The following CFAP77 variants were observed in gnomAD, a reference collection of about 807,000 sequenced individuals.
The protein encoded by CFAP77 is cilia and flagella associated protein 77.
CFAP77 carries 25 observed loss-of-function variants against 31.1 expected under a neutral mutation model. That is an observed-to-expected ratio of 0.80 (90% CI 0.59 to 1.12). The LOEUF is 1.12. CFAP77 is among the 50% of genes most tolerant of loss of function. The pLI is 0.00. For missense variants in CFAP77, 377 were observed against 397.3 expected, an observed-to-expected ratio of 0.95 and a Z score of 0.44; for synonymous variants, 151 against 159.9, an observed-to-expected ratio of 0.94 and a Z score of 0.42.
intron 3 of CFAP77, among the ~76,000 whole-genome samples, chr9:132,507,992 C>T (rs1419575384): frequency 6.6e-6 from 1 of 152,224 alleles, no homozygotes; most frequent in African/African-American, 2.4e-5. Flanking sequence ...TGCTGTATGT[C>T]AGGTCCCAGA....
At chr9:132,492,228 T>C (rs890545291) in intron 1 of CFAP77, among the ~76,000 whole-genome samples, 1 of 152,092 alleles carries the variant, frequency 6.6e-6, no homozygotes. Context: ...GTCGAGGCTG[T>C]AGCAAGCTGT....
intron 5 of CFAP77, among the ~76,000 whole-genome samples, chr9:132,566,737 CT>C (rs1487375624): frequency 6.6e-6 from 1 of 152,220 alleles, no homozygotes; most frequent in Non-Finnish European, 1.5e-5. Context: ...CACTAAGCAT[CT>C]CCTTTGGTTT....
intron 1 of CFAP77, among the ~76,000 whole-genome samples, chr9:132,472,055 A>G (rs1398999306): frequency 6.6e-6 from 1 of 152,184 alleles, no homozygotes; most frequent in Non-Finnish European, 1.5e-5. Context: ...ACTAGCTGGC[A>G]GCCCAGCACC....
intron 3 of CFAP77, 76 bp from the exon 4 acceptor site, chr9:132,537,525 C>G: frequency 1.9e-6 from 2 of 1,069,782 alleles, no homozygotes; most frequent in East Asian, 2.4e-5. Context: ...AGGAGGCTCC[C>G]GGGGGCGGGC....
intron 1 of CFAP77, among the ~76,000 whole-genome samples, chr9:132,429,728 T>A (rs972488262): frequency 6.8e-6 from 1 of 146,622 alleles, no homozygotes; most frequent in Non-Finnish European, 1.5e-5. Context: ...TGGTCGCGGG[T>A]GCCTGTAGTC....
intron 1 of CFAP77, among the ~76,000 whole-genome samples, chr9:132,439,542 C>T (rs1396590391): frequency 1.3e-5 from 2 of 152,098 alleles, no homozygotes; most frequent in Admixed American, 6.5e-5. Context: ...TCAGCTCTTA[C>T]TCTGGGTAAG....
chr9:132,570,518 G>GTTC (rs1419774676), intron 5 of CFAP77, among the ~76,000 whole-genome samples: 1 of 152,210 alleles, frequency 6.6e-6, no homozygotes, highest in Non-Finnish European at 1.5e-5. Flanking sequence ...GCCATGGAGG[G>GTTC]TCCCTAGAGG....
Position 132,565,184 on chromosome 9 carries a change from A to G in CFAP77, c.733-7204A>G, listed in dbSNP as rs1388768673. Among the ~76,000 whole-genome samples, 2 of 151,632 alleles carry G rather than the reference A, an allele frequency of 1.3e-5. No homozygotes were observed. Among genetic ancestry groups the G allele is most frequent in the South Asian group, 2.1e-4 (1 of 4,774 alleles). ...TCTCCCCTGCCACATCCTGCTGCCC[A>G]TAACAGCAATGGCTCGCTTTCATTT... On this transcript the variant is annotated intron_variant, in intron 5 of 5. Coordinates refer to ENST00000393216, the MANE Select transcript of CFAP77 (RefSeq NM_001282957.2). The surrounding 1 kb of genome is among the most constrained non-coding windows in gnomAD (Gnocchi z 4.1).
At chr9:132,560,546 G>C (rs1644432303) in intron 5 of CFAP77, among the ~76,000 whole-genome samples, 1 of 152,234 alleles carries the variant, frequency 6.6e-6, no homozygotes, top group African/African-American at 2.4e-5. Flanking sequence ...GGAGCCATTG[G>C]TATGGCTTCT....
intron 3 of CFAP77, among the ~76,000 whole-genome samples, chr9:132,502,263 A>ATTTT (rs1260740755): frequency 4.3e-4 from 44 of 103,514 alleles, no homozygotes; most frequent in Non-Finnish European, 5.1e-4. Flanking sequence ...ATATATATAT[A>ATTTT]TATTTTTTTT....
intron 3 of CFAP77, among the ~76,000 whole-genome samples, chr9:132,516,683 C>T (rs1031383147): frequency 3.3e-5 from 5 of 151,816 alleles, no homozygotes; most frequent in South Asian, 2.1e-4. Context: ...ATGCCATTAT[C>T]CTGGCTGTGA....
At chr9:132,484,691 A>G (rs1851507847) in intron 1 of CFAP77, among the ~76,000 whole-genome samples, 1 of 150,134 alleles carries the variant, frequency 6.7e-6, no homozygotes, top group Non-Finnish European at 1.5e-5. Context: ...TGCTATGAAC[A>G]CGCAGGTACA....
At chr9:132,538,842 C>T (rs938226227) in intron 4 of CFAP77, among the ~76,000 whole-genome samples, 1 of 152,066 alleles carries the variant, frequency 6.6e-6, no homozygotes, top group African/African-American at 2.4e-5. Flanking sequence ...AATCCCAGCA[C>T]TTTGAGAGGC....
intron 5 of CFAP77, among the ~76,000 whole-genome samples, chr9:132,559,346 C>CAAAAAAAAAAAAAAAAAAAAA (rs35737685): frequency 0.013 from 750 of 56,052 alleles, 35 homozygotes; most frequent in East Asian, 0.025. Flanking sequence ...CTCTGTCTTG[C>CAAAAAAAAAAAAAAAAAAAAA]AAAAAAAAAA....
chr9:132,524,612 CA>C (rs369112824), intron 3 of CFAP77, among the ~76,000 whole-genome samples: 258 of 141,416 alleles, frequency 1.8e-3, no homozygotes, highest in African/African-American at 4.0e-3. Context: ...GGCTCTGTCT[CA>C]AAAAAAAAAA....
intron 1 of CFAP77, among the ~76,000 whole-genome samples, chr9:132,440,861 C>T (rs533228277): frequency 6.6e-5 from 10 of 152,290 alleles, no homozygotes; most frequent in African/African-American, 2.2e-4. Context: ...GTGCAGGCTG[C>T]CCTATTTTAC....
In CFAP77 at chr9:132,410,381, C is replaced by G. The variant is rs142843932; in HGVS notation, c.110C>G (p.Thr37Ser). 8 of 1,600,160 alleles carry G rather than the reference C, an allele frequency of 5.0e-6. No homozygotes were observed. In the African/African-American group the frequency reaches 9.6e-5, roughly 19 times the overall value. Residue 37 changes from threonine (T) to serine (S), a missense_variant, in exon 1 of 6, where the codon ACC becomes AGC. Transcript: ENST00000393216. ...TGCCCGCCCCCGCGGCGGCCCCTGA[C>G]CGTGGCGGACATCCGTTCCGGCATG... ...QVCPPPRRPL[T>S]VADIRSGMEN... is the part of the protein sequence containing the mutation.
At chr9:132,521,778 T>TTTTTTTG (rs1554747344) in intron 3 of CFAP77, among the ~76,000 whole-genome samples, 13 of 106,148 alleles carry the variant, frequency 1.2e-4, no homozygotes, top group African/African-American at 5.0e-4. Context: ...TTTTTTTTTT[T>TTTTTTTG]TTTTTTGAGA....
At chr9:132,469,572 C>T (rs1851217585) in intron 1 of CFAP77, among the ~76,000 whole-genome samples, 1 of 152,084 alleles carries the variant, frequency 6.6e-6, no homozygotes, top group African/African-American at 2.4e-5. Context: ...TCCGTGCTTC[C>T]CAGAAAAGGG....
Sources: allele counts gnomAD v4.1 joint callset (sites outside exome capture counted in the v4.1 genomes callset), GRCh38; gene constraint gnomAD v4.1.1; non-coding constraint Gnocchi (gnomAD v3.1); transcripts MANE v1.5; gene names NCBI Gene and HGNC (gene_info 2026-07-23, HGNC 2026-07-21).